Variants in MIPOL1 observed in about 807,000 individuals in gnomAD.
The protein encoded by MIPOL1 is mirror-image polydactyly 1.
A neutral mutation model predicts 60.9 loss-of-function variants in MIPOL1; 57 were observed. That is an observed-to-expected ratio of 0.94 (90% CI 0.76 to 1.17). The LOEUF is 1.17. Among genes scored for constraint, MIPOL1 ranks in the 50% most tolerant of loss-of-function variants. MIPOL1 has a pLI of 0.00. For missense variants in MIPOL1, 551 were observed against 511.6 expected, an observed-to-expected ratio of 1.08 and a Z score of -0.74; for synonymous variants, 179 against 168.8, an observed-to-expected ratio of 1.06 and a Z score of -0.47.
chr14:37,254,310 AAAC>A (rs1179267362), intron 3 of MIPOL1, among the ~76,000 whole-genome samples: 1 of 151,832 alleles, frequency 6.6e-6, no homozygotes, highest in African/African-American at 2.4e-5. Context: ...TGGAATGAAA[AAAC>A]AAAAAATGTT....
intron 10 of MIPOL1, among the ~76,000 whole-genome samples, chr14:37,415,023 GAGTT>G (rs747974716): frequency 6.6e-6 from 1 of 152,070 alleles, no homozygotes; most frequent in Non-Finnish European, 1.5e-5. Context: ...TCTTCTTTGG[GAGTT>G]AGTTATTGCA....
intron 12 of MIPOL1, among the ~76,000 whole-genome samples, chr14:37,542,082 A>T (rs1405600088): frequency 6.6e-6 from 1 of 152,098 alleles, no homozygotes; most frequent in African/African-American, 2.4e-5. Flanking sequence ...GCTTTTTCTC[A>T]CTTTTATCAT....
chr14:37,337,189 G>A (rs1381758804), intron 9 of MIPOL1, among the ~76,000 whole-genome samples: 1 of 150,990 alleles, frequency 6.6e-6, no homozygotes, highest in African/African-American at 2.4e-5. Context: ...TGGTGTTCCT[G>A]TTGGGGATCT....
At chr14:37,292,171 C>T (rs961092892) in intron 7 of MIPOL1, among the ~76,000 whole-genome samples, 10 of 151,938 alleles carry the variant, frequency 6.6e-5, no homozygotes, top group East Asian at 3.9e-4. Context: ...ATGATCCGCC[C>T]GCTTTGGCTT....
chr14:37,239,015 G>C (rs1971938560), intron 1 of MIPOL1, among the ~76,000 whole-genome samples: 4 of 150,926 alleles, frequency 2.7e-5, no homozygotes, highest in African/African-American at 7.3e-5. Flanking sequence ...AGTGTCTTTT[G>C]GGAAGTCTTT....
intron 12 of MIPOL1, among the ~76,000 whole-genome samples, chr14:37,509,627 G>C (rs187399549): frequency 1.7e-4 from 26 of 150,932 alleles, no homozygotes; most frequent in Middle Eastern, 3.5e-3. Flanking sequence ...ACACATTATA[G>C]TTTATATATG....
chr14:37,200,501 T>C (rs1347611596), intron 1 of MIPOL1, among the ~76,000 whole-genome samples: 1 of 152,026 alleles, frequency 6.6e-6, no homozygotes, highest in Non-Finnish European at 1.5e-5. Flanking sequence ...ACAGAAAATA[T>C]TTGATTGGTA....
At chr14:37,441,774 T>G (rs1430564159) in intron 11 of MIPOL1, among the ~76,000 whole-genome samples, 2 of 152,180 alleles carry the variant, frequency 1.3e-5, no homozygotes, top group East Asian at 3.8e-4. Context: ...ATAAAAATTT[T>G]AGGATTGTTT....
At chr14:37,299,144 G>T (rs544704230) in intron 7 of MIPOL1, among the ~76,000 whole-genome samples, 216 of 152,238 alleles carry the variant, frequency 1.4e-3, no homozygotes, top group African/African-American at 4.8e-3. Context: ...CATGTCCTTT[G>T]TAGGGACATG....
chr14:37,307,752 G>C (rs1479451724), intron 7 of MIPOL1, among the ~76,000 whole-genome samples: 2 of 152,020 alleles, frequency 1.3e-5, no homozygotes, highest in East Asian at 3.8e-4. Context: ...ATATAATGAT[G>C]AGAATGAGTG....
chr14:37,360,722 G>A (rs1452761950), intron 9 of MIPOL1, among the ~76,000 whole-genome samples: 1 of 151,894 alleles, frequency 6.6e-6, no homozygotes, highest in South Asian at 2.1e-4. Flanking sequence ...TTCTTTATTG[G>A]TCTTGCTAGC....
At chr14:37,355,708 A>C (rs1167852880) in intron 9 of MIPOL1, among the ~76,000 whole-genome samples, 2 of 133,872 alleles carry the variant, frequency 1.5e-5, no homozygotes, top group East Asian at 4.5e-4. Context: ...TCGGCTCCTG[A>C]GGCTTCTGCA....
intron 11 of MIPOL1, among the ~76,000 whole-genome samples, chr14:37,425,550 G>T (rs1309705333): frequency 3.3e-5 from 5 of 152,150 alleles, no homozygotes; most frequent in Admixed American, 2.6e-4. Flanking sequence ...CATGACATGT[G>T]TGGTCGTGTA....
At chr14:37,526,873 G>T (rs570854123) in intron 12 of MIPOL1, among the ~76,000 whole-genome samples, 1 of 152,114 alleles carries the variant, frequency 6.6e-6, no homozygotes, top group South Asian at 2.1e-4. Context: ...AAAGTTATGT[G>T]AACAATATTT....
intron 10 of MIPOL1, among the ~76,000 whole-genome samples, chr14:37,406,032 A>T (rs1292658184): frequency 6.6e-6 from 1 of 152,090 alleles, no homozygotes; most frequent in African/African-American, 2.4e-5. Context: ...TAAAGATAAC[A>T]TAATCATACT....
intron 12 of MIPOL1, among the ~76,000 whole-genome samples, chr14:37,521,346 G>A (rs2095411854): frequency 6.6e-6 from 1 of 152,096 alleles, no homozygotes; most frequent in Non-Finnish European, 1.5e-5. Context: ...AAACTAAATT[G>A]AGTATTATTA....
At chr14:37,323,217 A>G (rs960176443) in intron 9 of MIPOL1, among the ~76,000 whole-genome samples, 1 of 152,128 alleles carries the variant, frequency 6.6e-6, no homozygotes, top group Non-Finnish European at 1.5e-5. Context: ...TCCCAACACC[A>G]TTTATTATAT....
At chr14:37,394,284 G>A (rs949574748) in intron 10 of MIPOL1, among the ~76,000 whole-genome samples, 1 of 151,516 alleles carries the variant, frequency 6.6e-6, no homozygotes, top group East Asian at 1.9e-4. Context: ...ACCCAGTAGT[G>A]GGATTGCTGG....
chr14:37,346,386 A>G (rs2090948129), intron 9 of MIPOL1, among the ~76,000 whole-genome samples: 3 of 152,194 alleles, frequency 2.0e-5, no homozygotes, highest in South Asian at 2.1e-4. Context: ...CACTTTGGGT[A>G]TTCCTGGGCC....
Sources: allele counts gnomAD v4.1 joint callset (sites outside exome capture counted in the v4.1 genomes callset), GRCh38; gene constraint gnomAD v4.1.1; transcripts MANE v1.5; gene names NCBI Gene and HGNC (gene_info 2026-07-23, HGNC 2026-07-21).